RIF1: variants seen among roughly 807,000 people sequenced by gnomAD.
RIF1 encodes telomere-associated protein RIF1.
Under a neutral mutation model 247.1 loss-of-function variants are expected in RIF1, and 45 were observed. That is an observed-to-expected ratio of 0.18 (90% CI 0.14 to 0.23). RIF1 has a LOEUF of 0.23. Among genes scored for constraint, RIF1 ranks in the 10% least tolerant of loss-of-function variants. The probability of loss-of-function intolerance (pLI) is 1.00; values close to 1 mark genes in which losing one functional copy is unlikely to be tolerated. For synonymous variants in RIF1, 1,087 were observed against 978.8 expected, an observed-to-expected ratio of 1.11 and a Z score of -2.06; for missense variants, 2,967 against 2,862.5, an observed-to-expected ratio of 1.04 and a Z score of -0.83.
At chr2:151,520,928 T>C in the RIF1 span, among the ~76,000 whole-genome samples, 9 of 152,244 alleles carry the variant, frequency 5.9e-5, no homozygotes, top group African/African-American at 2.2e-4. Context: ...CAGAAACATC[T>C]CCTAATTGAA....
chr2:151,466,533 C>T (rs1696917926), intron 30 of RIF1, among the ~76,000 whole-genome samples: 1 of 151,832 alleles, frequency 6.6e-6, no homozygotes, highest in Non-Finnish European at 1.5e-5. Context: ...ATACATGTTC[C>T]AGACCATATC....
chr2:151,472,604 C>G (rs1256008182), intron 34 of RIF1, among the ~76,000 whole-genome samples: 2 of 152,106 alleles, frequency 1.3e-5, no homozygotes, highest in African/African-American at 4.8e-5. Flanking sequence ...TTGTCAAAGG[C>G]CTTTTCTGCA....
In RIF1 at chr2:151,491,770, G is replaced by A. The variant is rs745632829; in HGVS notation, c.*416-3459G>A. ...GAACCAGGATTAGTACGCCAGACAC[G>A]TAAACCTGAAAGGGAAACCAGTGAT... On this transcript the variant is annotated intron_variant and NMD_transcript_variant, in intron 9 of 13. Transcript: ENST00000454583. 19 of 1,583,436 alleles carry A rather than the reference G, an allele frequency of 1.2e-5. No individual in the cohort carries two copies. Among genetic ancestry groups the A allele is most frequent in the Admixed American group, 3.6e-5 (2 of 55,578 alleles).
rs113096579 is a variant in RIF1 at position 151,420,346 on chromosome 2, A to C, written c.660A>C (p.Glu220Asp). The change falls in exon 7 of 36, where the codon GAA (glutamate) becomes GAC (aspartate). Residue 220 changes from glutamate to aspartate, a missense_variant. Physicochemically the swap from Glu to Asp is conservative, Grantham distance 45. Around this residue, in one of 7 missense-constraint regions of RIF1, gnomAD observed 269 missense variants for 288.6 expected, o/e 0.93. Coordinates refer to ENST00000444746, the MANE Select transcript of RIF1 (RefSeq NM_018151.5). Reference protein sequence around the residue: ...GMPLLLQKQQEIASITEQLMT... With the variant: ...GMPLLLQKQQDIASITEQLMT... ...CATTATTGCTTCAGAAACAGCAAGA[A>C]ATAGCATCTATTACGGAGCAGCTTA... 1.5e-5 allele frequency: 24 copies of C among 1,614,186 alleles called. No individual in the cohort carries two copies. In the African/African-American group the frequency reaches 1.7e-4, roughly 12 times the overall value.
chr2:151,410,079 C>T, intron 1 of RIF1, 46 bp downstream of exon 1: 2 of 701,606 alleles, frequency 2.9e-6, no homozygotes, highest in Non-Finnish European at 5.2e-6. Context: ...GGGGAACCCT[C>T]AGTCTGCCCA....
chr2:151,491,656 G>A (rs755072735), intron 9 of RIF1: 4 of 1,506,444 alleles, frequency 2.7e-6, no homozygotes, highest in Non-Finnish European at 3.6e-6. Flanking sequence ...TGATGTTTAT[G>A]TTGTAAGCCT....
At chr2:151,492,167 G>C in intron 9 of RIF1, 2 of 1,613,730 alleles carry the variant, frequency 1.2e-6, no homozygotes, top group Non-Finnish European at 1.7e-6. Flanking sequence ...TGAATACCTC[G>C]GTAGTTAATG....
In RIF1 at chr2:151,459,983, C is replaced by A; in HGVS notation, c.2956-17C>A. The A allele has an allele frequency of 1.3e-6, 2 of 1,506,720 alleles. No individual in the cohort carries two copies. The highest frequency in any genetic ancestry group is 1.3e-5 in the South Asian group (1 of 77,414). The allele number at this position is 1,506,720 out of a possible 1,614,324, so 93.3% of individuals were successfully genotyped here. A position where few individuals can be genotyped will look rare whatever the true frequency, so the allele number is the denominator to read the frequency against. On this transcript the variant is annotated splice_polypyrimidine_tract_variant and intron_variant, in intron 25 of 35. Transcript: ENST00000444746. ...ACCGTTCTATTTAATGAAATTGTTT[C>A]ATTTTTAATAAAACAGACAGAAAAT...
intron 2 of RIF1, 75 bp from the exon 3 acceptor site, chr2:151,411,185 T>C: frequency 1.1e-6 from 1 of 899,476 alleles, no homozygotes; most frequent in Non-Finnish European, 1.8e-6. Context: ...TTTAAAAAGA[T>C]TGTACATGTA....
chr2:151,447,905 G>A (rs1236701907), intron 20 of RIF1, among the ~76,000 whole-genome samples: 6 of 152,076 alleles, frequency 3.9e-5, no homozygotes, highest in Admixed American at 3.9e-4. Context: ...TATGATCCTG[G>A]TAATGGCCTT....
At chr2:151,531,875 C>G in the RIF1 span, 1 of 1,598,248 alleles carries the variant, frequency 6.3e-7, no homozygotes, top group East Asian at 2.3e-5. Context: ...TTTGATTTTT[C>G]ATAGTTTTTC....
intron 20 of RIF1, among the ~76,000 whole-genome samples, chr2:151,447,957 A>G (rs1693610315): frequency 6.6e-6 from 1 of 152,102 alleles, no homozygotes; most frequent in Non-Finnish European, 1.5e-5. Flanking sequence ...TATTGAAATG[A>G]TATTTGTTGT....
chr2:151,505,806 C>T lies in RIF1; in HGVS notation c.*862-404C>T, dbSNP rs556483735. On this transcript the variant is annotated intron_variant and NMD_transcript_variant, in intron 12 of 13. Coordinates refer to the RIF1 transcript ENST00000454583. The stretch of plus-strand genomic sequence containing the variant: ...CTCTTTGGGGCAGGGATGGGGGCCC[C>T]TATTTAGACTGCAGCCCTTTCCTGT... The T allele has an allele frequency of 3.9e-5, 22 of 561,198 alleles. No homozygotes were observed. In the African/African-American group the frequency reaches 4.1e-4, roughly 11 times the overall value. 34.8% of individuals were successfully genotyped at this position (561,198 alleles called of 1,614,324 possible). A position where few individuals can be genotyped will look rare whatever the true frequency, so the allele number is the denominator to read the frequency against.
chr2:151,523,971 C>T, the RIF1 span, among the ~76,000 whole-genome samples: 1 of 152,166 alleles, frequency 6.6e-6, no homozygotes, highest in Non-Finnish European at 1.5e-5. Context: ...TCCCAGGTGA[C>T]TCAAGTATGA....
At chr2:151,436,531 ACT>A (rs1360847274) in intron 11 of RIF1, among the ~76,000 whole-genome samples, 2 of 145,854 alleles carry the variant, frequency 1.4e-5, no homozygotes, top group African/African-American at 5.1e-5. Context: ...GTACAATGAG[ACT>A]CTGTCTCAAA....
chr2:151,426,168 A>ATTTTTTTTTTT lies in RIF1; in HGVS notation c.787-2602_787-2592dup, dbSNP rs35001554. Among the ~76,000 whole-genome samples the ATTTTTTTTTTT allele has an allele frequency of 1.8e-3, 107 of 58,212 alleles. 19 individuals carry two copies. Among genetic ancestry groups the ATTTTTTTTTTT allele is most frequent in the East Asian group, 0.014 (20 of 1,470 alleles). The allele number at this position is 58,212 out of a possible 152,430, so 38.2% of individuals were successfully genotyped here. A position where few individuals can be genotyped will look rare whatever the true frequency, so the allele number is the denominator to read the frequency against. Reference sequence around the variant, plus strand: ...TTTTTCAGGATTGTTTTGGCTTTTAATTTTTTTTTTTTTTTTTTTTTTTTG... The same window carrying ATTTTTTTTTTT: ...TTTTTCAGGATTGTTTTGGCTTTTAATTTTTTTTTTTTTTTTTTTTTTTTTTTTTTTTTTTG... On this transcript the variant is annotated intron_variant, in intron 8 of 35. Coordinates refer to ENST00000444746, the MANE Select transcript of RIF1 (RefSeq NM_018151.5).
chr2:151,456,436 C>G, intron 22 of RIF1, 142 bp from the exon 23 acceptor site: 1 of 511,364 alleles, frequency 2.0e-6, no homozygotes, highest in Non-Finnish European at 3.4e-6. Flanking sequence ...GAGTTTTTTA[C>G]TTGTTAAGTC....
Position 151,464,699 on chromosome 2 carries a change from A to G in RIF1, c.5179A>G (p.Arg1727Gly). The G allele has an allele frequency of 1.9e-6, 3 of 1,613,122 alleles. No individual in the cohort carries two copies. Among genetic ancestry groups the G allele is most frequent in the South Asian group, 2.2e-5 (2 of 90,914 alleles). ...ECQHKRSRRV[R>G]RSKGCDCCGE... ...CCAACACAAGAGAAGTAGGAGGGTG[A>G]GGAGATCTAAAGGTTGTGATTGCTG... The change falls in exon 30 of 36, where the codon AGG (arginine) becomes GGG (glycine). Residue 1727 changes from arginine to glycine, a missense_variant. Arg to Gly is a moderately radical substitution (Grantham distance 125). Transcript: ENST00000444746.
rs2049090162 is a variant in RIF1 at position 151,479,739 on chromosome 2, G to A, written c.*4668G>A. Reference sequence around the variant, plus strand: ...TGAGTTTTTCTTGGAATTCTGTTAAGGTGTTAGATTTTCCTCACATATTTA... The same window carrying A: ...TGAGTTTTTCTTGGAATTCTGTTAAAGTGTTAGATTTTCCTCACATATTTA... On this transcript the variant is annotated 3_prime_UTR_variant, in exon 36 of 36. Transcript: ENST00000444746. The A allele has an allele frequency of 6.6e-6, 1 of 152,116 alleles. No homozygotes were observed. Among genetic ancestry groups the A allele is most frequent in the African/African-American group, 2.4e-5 (1 of 41,426 alleles). The allele number at this position is 152,116 out of a possible 1,614,324, so 9.4% of individuals were successfully genotyped here. A position where few individuals can be genotyped will look rare whatever the true frequency, so the allele number is the denominator to read the frequency against.
Sources: gnomAD v4.1 joint callset for allele counts (sites outside exome capture counted in the v4.1 genomes callset) on GRCh38, gnomAD v4.1.1 for gene constraint, gnomAD v4.1.1 regional missense constraint, MANE v1.5 for transcripts, NCBI Gene and HGNC (gene_info 2026-07-23, HGNC 2026-07-21) for gene names.